Variants in ADGRL3 observed in about 807,000 individuals in gnomAD.
ADGRL3 encodes calcium-independent alpha-latrotoxin receptor 3.
ADGRL3 carries 62 observed loss-of-function variants against 153.5 expected under a neutral mutation model. That is an observed-to-expected ratio of 0.40 (90% confidence interval 0.33 to 0.50). ADGRL3 has a LOEUF of 0.50. Ranked by LOEUF, ADGRL3 falls within the 20% of genes least tolerant of loss-of-function variation. ADGRL3 has a pLI of 0.47. For synonymous variants in ADGRL3, 710 were observed against 672.5 expected (o/e 1.06, Z -0.86); for missense variants, 1,641 against 1,859.4 (o/e 0.88, Z 2.16).
At chr4:61,971,617 T>C (rs2099028055) in intron 17 of ADGRL3, among the ~76,000 whole-genome samples, 2 of 152,068 alleles carry the variant, frequency 1.3e-5, no homozygotes. Flanking sequence ...GCAGTAAACA[T>C]ACATGTGCAT....
intron 6 of ADGRL3, among the ~76,000 whole-genome samples, chr4:61,709,039 C>T (rs899427964): frequency 5.3e-5 from 8 of 151,982 alleles, no homozygotes; most frequent in African/African-American, 1.7e-4. Context: ...CGACTCCTGA[C>T]CTCAGGTGAT....
At chr4:61,744,080 G>A (rs1036634223) in intron 8 of ADGRL3, among the ~76,000 whole-genome samples, 5 of 152,156 alleles carry the variant, frequency 3.3e-5, no homozygotes, top group African/African-American at 1.2e-4. Flanking sequence ...TGGCTCGGAG[G>A]GTCCTAGGCC....
chr4:61,587,455 A>G lies in ADGRL3; in HGVS notation c.473+15A>G. 1 of 1,567,970 alleles carries G rather than the reference A, an allele frequency of 6.4e-7. No individual in the cohort carries two copies. Among genetic ancestry groups the G allele is most frequent in the Non-Finnish European group, 8.8e-7 (1 of 1,141,086 alleles). On this transcript the variant is annotated intron_variant, in intron 5 of 26. Coordinates refer to ENST00000683033, the MANE Select transcript of ADGRL3 (RefSeq NM_001387552.1). ...ATGTCTCAAAGGTATGATACTTCTA[A>G]TATTCTTTTCTTTGTGCACAATATA...
intron 1 of ADGRL3, among the ~76,000 whole-genome samples, chr4:61,370,270 AGCTTTTGAAT>A (rs2096493783): frequency 8.0e-6 from 1 of 125,256 alleles, no homozygotes; most frequent in South Asian, 2.6e-4. Flanking sequence ...GCCTTCTGCT[AGCTTTTGAAT>A]GTGTTTGCTC....
At chr4:61,632,036 A>G (rs905091502) in intron 5 of ADGRL3, among the ~76,000 whole-genome samples, 13 of 152,184 alleles carry the variant, frequency 8.5e-5, no homozygotes, top group African/African-American at 3.1e-4. Context: ...ACTATCAAAC[A>G]GTATCTAGAC....
chr4:62,072,959 G>A lies in ADGRL3; in HGVS notation c.*2051G>A, dbSNP rs773591435. On this transcript the variant is annotated 3_prime_UTR_variant, in exon 27 of 27. Transcript: ENST00000683033. ...TCTTATTCTATATATGAGGGAAATC[G>A]GAAAAGATAAAGAAGTTCTTTCAAA... 3.9e-5 allele frequency: 6 copies of A among 151,948 alleles called. No homozygotes were observed. The highest frequency in any genetic ancestry group is 5.9e-5 in the Non-Finnish European group (4 of 67,976). 9.4% of individuals were successfully genotyped at this position (151,948 alleles called of 1,614,324 possible).
At chr4:61,674,687 G>A (rs2095127372) in intron 5 of ADGRL3, among the ~76,000 whole-genome samples, 1 of 151,814 alleles carries the variant, frequency 6.6e-6, no homozygotes, top group African/African-American at 2.4e-5. Flanking sequence ...AACTTTATGA[G>A]TTCATATCCC....
At chr4:61,894,194 C>T (rs11730511) in intron 10 of ADGRL3, among the ~76,000 whole-genome samples, 64,867 of 151,852 alleles carry the variant, frequency 0.43, 13,983 homozygotes, top group Middle Eastern at 0.46. Context: ...AAATTCACAA[C>T]GTCTGTCATC....
chr4:61,653,135 C>T (rs1218216341), intron 5 of ADGRL3, among the ~76,000 whole-genome samples: 1 of 120,540 alleles, frequency 8.3e-6, no homozygotes, highest in Non-Finnish European at 1.8e-5. Flanking sequence ...GAAAGCCTCT[C>T]TCTCTCTCTC....
At chr4:61,317,769 A>G (rs1162320985) in intron 1 of ADGRL3, among the ~76,000 whole-genome samples, 1 of 152,142 alleles carries the variant, frequency 6.6e-6, no homozygotes, top group African/African-American at 2.4e-5. Flanking sequence ...CATACTTCCA[A>G]TCTGCCACAC....
intron 25 of ADGRL3, among the ~76,000 whole-genome samples, chr4:62,051,559 G>A (rs1328626755): frequency 6.6e-6 from 1 of 151,494 alleles, no homozygotes; most frequent in East Asian, 1.9e-4. Flanking sequence ...TATGCATTGT[G>A]TTCAACTTTG....
chr4:61,629,493 C>G (rs1480490778), intron 5 of ADGRL3, among the ~76,000 whole-genome samples: 1 of 151,200 alleles, frequency 6.6e-6, no homozygotes, highest in African/African-American at 2.4e-5. Flanking sequence ...CCGAGGTGGG[C>G]GGGTCACGAG....
chr4:61,546,557 G>T (rs2098714640), intron 4 of ADGRL3, among the ~76,000 whole-genome samples: 1 of 151,888 alleles, frequency 6.6e-6, no homozygotes, highest in Non-Finnish European at 1.5e-5. Context: ...GTGTACAATA[G>T]AAATACCATA....
chr4:61,649,341 A>T (rs2094162038), intron 5 of ADGRL3, among the ~76,000 whole-genome samples: 1 of 152,108 alleles, frequency 6.6e-6, no homozygotes, highest in Non-Finnish European at 1.5e-5. Context: ...ATTCATTCTT[A>T]ATAGCAGCAA....
chr4:61,957,140 T>C (rs767653730), intron 17 of ADGRL3, among the ~76,000 whole-genome samples: 3 of 152,226 alleles, frequency 2.0e-5, no homozygotes, highest in Non-Finnish European at 4.4e-5. Flanking sequence ...ATGGTCATTT[T>C]CACAATATTG....
chr4:61,783,514 G>A (rs1413702591), intron 8 of ADGRL3, among the ~76,000 whole-genome samples: 1 of 152,048 alleles, frequency 6.6e-6, no homozygotes, highest in Non-Finnish European at 1.5e-5. Flanking sequence ...CTAGGAAATT[G>A]TATATAAAGC....
chr4:61,225,849 T>A (rs186573478), intron 1 of ADGRL3, among the ~76,000 whole-genome samples: 1 of 152,302 alleles, frequency 6.6e-6, no homozygotes, highest in African/African-American at 2.4e-5. Flanking sequence ...TCTCTGGATT[T>A]GTTTCCATAT....
At chr4:61,952,385 G>T (rs1202637820) in intron 17 of ADGRL3, among the ~76,000 whole-genome samples, 1 of 151,830 alleles carries the variant, frequency 6.6e-6, no homozygotes, top group Non-Finnish European at 1.5e-5. Flanking sequence ...AGGTTGAGGT[G>T]GGAGGATTGC....
At chr4:61,209,327 G>A (rs1738747324) in intron 1 of ADGRL3, among the ~76,000 whole-genome samples, 1 of 152,038 alleles carries the variant, frequency 6.6e-6, no homozygotes, top group South Asian at 2.1e-4. Context: ...ATCTCTATCT[G>A]CAAAATAGAG....
Sources: allele counts gnomAD v4.1 joint callset (sites outside exome capture counted in the v4.1 genomes callset), GRCh38; gene constraint gnomAD v4.1.1; transcripts MANE v1.5; gene names NCBI Gene and HGNC (gene_info 2026-07-23, HGNC 2026-07-21).